APBA1: variants seen among roughly 807,000 people sequenced by gnomAD.
APBA1 encodes the protein amyloid beta precursor protein binding family A member 1.
APBA1 carries 55 observed loss-of-function variants against 86.6 expected under a neutral mutation model. The ratio of observed to expected loss-of-function variants is 0.64; its 90% CI spans 0.51 to 0.80. The LOEUF is 0.80. APBA1 is among the 30% of genes least tolerant of loss of function. The pLI is 0.00. For missense variants in APBA1, 1,090 were observed against 1,183.0 expected, an observed-to-expected ratio of 0.92 and a Z score of 1.15; for synonymous variants, 511 against 493.9, an observed-to-expected ratio of 1.03 and a Z score of -0.46.
chr9:69,517,374 C>G (rs1464466981), intron 1 of APBA1, 95 bp from the exon 2 acceptor site: 18 of 1,213,746 alleles, frequency 1.5e-5, no homozygotes, highest in Non-Finnish European at 1.8e-5. Flanking sequence ...GCTATTGATT[C>G]CTTTTAGTTC....
Position 69,430,539 on chromosome 9 carries a change from CTG to C in APBA1, c.*786_*787del, listed in dbSNP as rs76774175. 4,075 of 149,454 alleles carry C rather than the reference CTG, an allele frequency of 0.027. 164 individuals carry two copies. The highest frequency in any genetic ancestry group is 0.093 in the African/African-American group (3,782 of 40,650). The allele number at this position is 149,454 out of a possible 1,614,324, so 9.3% of individuals were successfully genotyped here. ...AGGGAAGGGTGATATGCAAATGGGA[CTG>C]TGTGTGTGTGTGTGTGTGTGAGAGA... On this transcript the variant is annotated 3_prime_UTR_variant, in exon 13 of 13. Transcript: ENST00000265381.
At chr9:69,630,917 A>C (rs1352787135) in intron 1 of APBA1, among the ~76,000 whole-genome samples, 1 of 152,242 alleles carries the variant, frequency 6.6e-6, no homozygotes, top group Non-Finnish European at 1.5e-5. Flanking sequence ...TCAGTAAAGA[A>C]GATAGAGCCT....
At chr9:69,453,913 C>T (rs917720804) in intron 8 of APBA1, among the ~76,000 whole-genome samples, 4 of 152,158 alleles carry the variant, frequency 2.6e-5, no homozygotes, top group East Asian at 1.9e-4. Context: ...TATTAGTGTC[C>T]CCACTGGGTA....
intron 1 of APBA1, among the ~76,000 whole-genome samples, chr9:69,551,512 C>T (rs1034016803): frequency 6.6e-6 from 1 of 150,532 alleles, no homozygotes; most frequent in Non-Finnish European, 1.5e-5. Context: ...GAGATCATGC[C>T]ACTGCACTCC....
intron 2 of APBA1, among the ~76,000 whole-genome samples, chr9:69,489,277 A>T (rs1835663070): frequency 6.6e-6 from 1 of 152,160 alleles, no homozygotes; most frequent in Non-Finnish European, 1.5e-5. Context: ...GTACCAAAAC[A>T]GAGATATAGA....
Position 69,544,699 on chromosome 9 carries a change from A to G in APBA1, c.-69-27420T>C, listed in dbSNP as rs563201692. Among the ~76,000 whole-genome samples, 171 of 152,344 alleles carry G rather than the reference A, an allele frequency of 1.1e-3. 1 individual carries two copies. The highest frequency in any genetic ancestry group is 3.9e-3 in the African/African-American group (161 of 41,578). On this transcript the variant is annotated intron_variant, in intron 1 of 12. Transcript: ENST00000265381. ...TAAAACATATAACTAATTTGGTAAC[A>G]TACTGAAAGAATTTAAATTGCATGA... is the stretch of plus-strand genomic sequence containing the variant.
At chr9:69,577,901 A>G (rs1348937685) in intron 1 of APBA1, among the ~76,000 whole-genome samples, 3 of 151,956 alleles carry the variant, frequency 2.0e-5, no homozygotes, top group Admixed American at 1.3e-4. Context: ...CACCACCACA[A>G]TGCTCCCAGT....
At chr9:69,636,855 G>A (rs1823177134) in intron 1 of APBA1, among the ~76,000 whole-genome samples, 1 of 113,756 alleles carries the variant, frequency 8.8e-6, no homozygotes, top group African/African-American at 3.4e-5. Context: ...GAGGGAGGGA[G>A]GGAGGGAGGG....
chr9:69,523,477 GTATATATATATATATA>G lies in APBA1; in HGVS notation c.-69-6214_-69-6199del, dbSNP rs1163577400. ...ATCATGTATGTGTATATATATATATGTATATATATATATATATATGTATATATATATATATATATAT... is the reference window on the plus strand; with the variant it reads ...ATCATGTATGTGTATATATATATATGTATGTATATATATATATATATATAT... On this transcript the variant is annotated intron_variant, in intron 1 of 12. Transcript: ENST00000265381. Among the ~76,000 whole-genome samples, 25 of 80,634 alleles carry G rather than the reference GTATATATATATATATA, an allele frequency of 3.1e-4. 1 individual carries two copies. The South Asian group carries it at 6.7e-3, about 22-fold the overall frequency. 52.9% of individuals were successfully genotyped at this position (80,634 alleles called of 152,430 possible).
chr9:69,435,481 G>A (rs1265190928), intron 11 of APBA1, among the ~76,000 whole-genome samples: 9 of 151,956 alleles, frequency 5.9e-5, no homozygotes, highest in South Asian at 2.1e-4. Context: ...TTTAATGATC[G>A]CCATTCTAAC....
chr9:69,441,042 C>T lies in APBA1; in HGVS notation c.2255G>A (p.Arg752Lys). The change falls in exon 11 of 13, where the codon AGA becomes AAA. Residue 752 changes from arginine (R) to lysine (K), a missense_variant. Around this residue, in one of 6 missense-constraint regions of APBA1, gnomAD observed 119 missense variants for 124.8 expected, o/e 0.95. Transcript: ENST00000265381. ...CPPVTTVLIR[R>K]PDLRYQLGFS... is the part of the protein sequence containing the mutation. ...ACCGAGCTGGTAGCGAAGGTCTGGT[C>T]TTCTGATTAACACGGTGGTCACCGG... 1.2e-6 allele frequency: 2 copies of T among 1,614,132 alleles called. No individual in the cohort carries two copies. Among genetic ancestry groups the T allele is most frequent in the Non-Finnish European group, 1.7e-6 (2 of 1,180,026 alleles).
intron 1 of APBA1, among the ~76,000 whole-genome samples, chr9:69,640,461 T>TA (rs978099712): frequency 3.9e-5 from 6 of 151,934 alleles, no homozygotes; most frequent in Non-Finnish European, 7.4e-5. Context: ...TTTGGAAAAT[T>TA]AAAAAAATTA....
At chr9:69,451,551 G>A (rs1343254203) in intron 9 of APBA1, among the ~76,000 whole-genome samples, 3 of 152,084 alleles carry the variant, frequency 2.0e-5, no homozygotes, top group Non-Finnish European at 4.4e-5. Context: ...CAAATGTGGA[G>A]CTTTCTGATC....
At chr9:69,496,027 C>A (rs968911006) in intron 2 of APBA1, among the ~76,000 whole-genome samples, 9 of 152,076 alleles carry the variant, frequency 5.9e-5, no homozygotes, top group Admixed American at 1.3e-4. Flanking sequence ...TTGAACCAAA[C>A]CAACAGATAA....
chr9:69,650,087 T>C (rs1823468325), intron 1 of APBA1, among the ~76,000 whole-genome samples: 1 of 152,122 alleles, frequency 6.6e-6, no homozygotes, highest in Non-Finnish European at 1.5e-5. Context: ...ACAGGCAGTG[T>C]GGTATACTGG....
At chr9:69,620,885 A>C (rs374501372) in intron 1 of APBA1, among the ~76,000 whole-genome samples, 7 of 152,180 alleles carry the variant, frequency 4.6e-5, no homozygotes, top group South Asian at 2.1e-4. Context: ...GCACAGTTGG[A>C]CGACAGTGAA....
At chr9:69,469,752 T>C (rs564000280) in intron 4 of APBA1, among the ~76,000 whole-genome samples, 43 of 152,376 alleles carry the variant, frequency 2.8e-4, no homozygotes, top group African/African-American at 8.4e-4. Flanking sequence ...CATTACACTT[T>C]ATATAAAGTA....
rs1009178521 is a variant in APBA1, at chr9:69,452,263, G to A, written c.1827C>T (p.Ser609=). 1.4e-5 allele frequency: 23 copies of A among 1,614,092 alleles called. No homozygotes were observed. The highest frequency in any genetic ancestry group is 1.1e-4 in the African/African-American group (8 of 74,920). Residue 609 remains serine, a synonymous_variant, in exon 9 of 13, where the codon AGC becomes AGT. Coordinates refer to ENST00000265381, the MANE Select transcript of APBA1 (RefSeq NM_001163.4). ...LIAQSIGQAF[S]VAYQEFLRAN... is the part of the protein sequence containing the mutation. Reference sequence around the variant, plus strand: ...CCCTGAGGAATTCCTGGTATGCCACGCTAAATGCCTGTCCGATGGACTGTG... The same window carrying A: ...CCCTGAGGAATTCCTGGTATGCCACACTAAATGCCTGTCCGATGGACTGTG...
intron 1 of APBA1, among the ~76,000 whole-genome samples, chr9:69,632,603 G>A (rs1369451171): frequency 2.0e-5 from 3 of 152,096 alleles, no homozygotes; most frequent in Non-Finnish European, 2.9e-5. Context: ...TACAATGTAA[G>A]CTCTCAACAA....
Sources: gnomAD v4.1 joint callset for allele counts (sites outside exome capture counted in the v4.1 genomes callset) on GRCh38, gnomAD v4.1.1 for gene constraint, gnomAD v4.1.1 regional missense constraint, MANE v1.5 for transcripts, NCBI Gene and HGNC (gene_info 2026-07-23, HGNC 2026-07-21) for gene names.